DIP2C: variants seen among roughly 807,000 people sequenced by gnomAD.
The protein encoded by DIP2C is DIP2 acetate--CoA ligase C (putative).
Under a neutral mutation model 192.4 loss-of-function variants are expected in DIP2C, and 33 were observed. The ratio of observed to expected loss-of-function variants is 0.17; its 90% CI spans 0.13 to 0.23. The LOEUF (loss-of-function observed/expected upper bound fraction) is 0.23, where lower values mean the gene tolerates loss of function less well. Ranked by LOEUF, DIP2C falls within the 10% of genes least tolerant of loss-of-function variation. The probability of loss-of-function intolerance (pLI) is 1.00; values close to 1 mark genes in which losing one functional copy is unlikely to be tolerated. For missense variants in DIP2C, 1,537 were observed against 2,110.1 expected (o/e 0.73, Z 5.32); for synonymous variants, 979 against 864.1 (o/e 1.13, Z -2.33).
At chr10:299,339 C>T (rs1363182993) in intron 32 of DIP2C, among the ~76,000 whole-genome samples, 3 of 152,220 alleles carry the variant, frequency 2.0e-5, no homozygotes, top group Non-Finnish European at 2.9e-5. Context: ...CCTACAGCTC[C>T]GCCTTGAGTG....
At chr10:644,071 A>G (rs1300781399) in intron 1 of DIP2C, among the ~76,000 whole-genome samples, 1 of 152,252 alleles carries the variant, frequency 6.6e-6, no homozygotes, top group African/African-American at 2.4e-5. Flanking sequence ...TTTTAAAAAG[A>G]TGAAACAATC....
intron 1 of DIP2C, among the ~76,000 whole-genome samples, chr10:590,136 C>T (rs1296630056): frequency 2.6e-5 from 4 of 152,196 alleles, no homozygotes; most frequent in Non-Finnish European, 5.9e-5. Flanking sequence ...GTGAGAGGCA[C>T]GGAACTGTGA....
At chr10:670,029 A>G (rs2132136195) in intron 1 of DIP2C, among the ~76,000 whole-genome samples, 1 of 152,342 alleles carries the variant, frequency 6.6e-6, no homozygotes, top group Middle Eastern at 3.4e-3. Flanking sequence ...TCACTGCCTA[A>G]CAGCAATACT....
intron 1 of DIP2C, among the ~76,000 whole-genome samples, chr10:567,945 G>A (rs1472753072): frequency 6.6e-6 from 1 of 152,202 alleles, no homozygotes; most frequent in Non-Finnish European, 1.5e-5. Flanking sequence ...GTGTTTGATA[G>A]AGGCTGAGGG....
At chr10:540,617 A>G (rs1002234682) in intron 1 of DIP2C, among the ~76,000 whole-genome samples, 49 of 152,390 alleles carry the variant, frequency 3.2e-4, no homozygotes, top group African/African-American at 1.0e-3. Flanking sequence ...GGGGAGACCA[A>G]GAATATGGCG....
chr10:611,305 T>C (rs916790865), intron 1 of DIP2C, among the ~76,000 whole-genome samples: 4 of 152,172 alleles, frequency 2.6e-5, no homozygotes, highest in Non-Finnish European at 5.9e-5. Context: ...CACAGAACAG[T>C]ATGCCGATTA....
At chr10:550,317 C>T (rs1009182232) in intron 1 of DIP2C, among the ~76,000 whole-genome samples, 2 of 152,098 alleles carry the variant, frequency 1.3e-5, no homozygotes, top group South Asian at 2.1e-4. Context: ...GCCCATGTAG[C>T]TATTTAAATT....
chr10:343,877 C>G (rs11251850), intron 28 of DIP2C, among the ~76,000 whole-genome samples: 2 of 152,058 alleles, frequency 1.3e-5, no homozygotes, highest in African/African-American at 2.4e-5. Context: ...AAGACACAGC[C>G]CTGCCCTCAG....
At chr10:547,035 G>C (rs976060297) in intron 1 of DIP2C, among the ~76,000 whole-genome samples, 1 of 152,176 alleles carries the variant, frequency 6.6e-6, no homozygotes, top group African/African-American at 2.4e-5. Flanking sequence ...TGGAAGAAGC[G>C]GTTCTGCAGG....
At chr10:588,421 G>A (rs1851211044) in intron 1 of DIP2C, among the ~76,000 whole-genome samples, 1 of 152,232 alleles carries the variant, frequency 6.6e-6, no homozygotes, top group Admixed American at 6.5e-5. Context: ...CCATCTCCGG[G>A]GGTCTCAAGG....
At chr10:294,182 G>A (rs538753895) in intron 32 of DIP2C, among the ~76,000 whole-genome samples, 6 of 152,136 alleles carry the variant, frequency 3.9e-5, no homozygotes, top group South Asian at 2.1e-4. Flanking sequence ...GGACTGAGCC[G>A]ACCTTGCAGC....
chr10:338,375 G>A (rs1040230226), intron 29 of DIP2C, among the ~76,000 whole-genome samples: 1 of 151,712 alleles, frequency 6.6e-6, no homozygotes, highest in Non-Finnish European at 1.5e-5. Flanking sequence ...CAACTCACCT[G>A]GGCAACCTCC....
At position 323,459 on chromosome 10, in the gene DIP2C, A is replaced by G. The variant is rs113383180; in HGVS notation, c.3924+3547T>C. Among the ~76,000 whole-genome samples, 4 of 55,674 alleles carry G rather than the reference A, an allele frequency of 7.2e-5. 2 individuals are homozygous for G. Among genetic ancestry groups the G allele is most frequent in the Non-Finnish European group, 2.8e-4 (4 of 14,362 alleles). The allele number at this position is 55,674 out of a possible 152,430, so 36.5% of individuals were successfully genotyped here. A position where few individuals can be genotyped will look rare whatever the true frequency, so the allele number is the denominator to read the frequency against. On this transcript the variant is annotated intron_variant, in intron 31 of 36. Transcript: ENST00000280886. ...CGGGGGTGCGGGGCTCCAGCGAGAG[A>G]CCAGCGTTGTTAGAACGCAGTCAGT... is the stretch of plus-strand genomic sequence containing the variant.
chr10:390,997 G>T (rs1420695079), intron 10 of DIP2C, 134 bp from the exon 11 acceptor site: 6 of 1,307,336 alleles, frequency 4.6e-6, no homozygotes, highest in Admixed American at 2.3e-5. Flanking sequence ...CTGCTGCTTG[G>T]TATCTGTGGG....
In DIP2C at chr10:496,488, CCA is replaced by C. The variant is rs544711181; in HGVS notation, c.86-9960_86-9959del. Among the ~76,000 whole-genome samples, 28 of 150,664 alleles carry C rather than the reference CCA, an allele frequency of 1.9e-4. No homozygotes were observed. The South Asian group carries it at 2.3e-3, about 13-fold the overall frequency. The stretch of plus-strand genomic sequence containing the variant: ...AATGTGAGTGCTGAGTGCACAGAAC[CCA>C]CAGTGCCCTCCCGTGTACTTAAAAT... On this transcript the variant is annotated intron_variant, in intron 1 of 36. Coordinates refer to ENST00000280886, the MANE Select transcript of DIP2C (RefSeq NM_014974.3).
intron 3 of DIP2C, among the ~76,000 whole-genome samples, chr10:445,528 A>C (rs903541922): frequency 6.6e-6 from 1 of 151,644 alleles, no homozygotes; most frequent in Non-Finnish European, 1.5e-5. Flanking sequence ...ATCTGTATAC[A>C]TCTGTTGCGA....
rs1965005041 is a variant in DIP2C at position 409,031 on chromosome 10, TCA to T, written c.1058-16_1058-15del. 2.5e-6 allele frequency: 4 copies of T among 1,613,650 alleles called. No individual in the cohort carries two copies. In the African/African-American group the frequency reaches 5.3e-5, roughly 22 times the overall value. ...TCCACAGCTTGCCTATGAATACAAA[TCA>T]CAGACAAATGTGCGTATTAAACCAT... On this transcript the variant is annotated splice_polypyrimidine_tract_variant and intron_variant, in intron 8 of 36. Transcript: ENST00000280886.
At chr10:311,816 A>G (rs1589447747) in intron 31 of DIP2C, among the ~76,000 whole-genome samples, 1 of 152,268 alleles carries the variant, frequency 6.6e-6, no homozygotes, top group African/African-American at 2.4e-5. Flanking sequence ...AGATGTCAAC[A>G]TATCCACGGA....
At chr10:286,066 G>T (rs1007667910) in intron 34 of DIP2C, among the ~76,000 whole-genome samples, 1 of 152,226 alleles carries the variant, frequency 6.6e-6, no homozygotes, top group African/African-American at 2.4e-5. Context: ...ACTTCCCTAA[G>T]GAAGTGCCAT....
Sources: allele counts gnomAD v4.1 joint callset (sites outside exome capture counted in the v4.1 genomes callset), GRCh38; gene constraint gnomAD v4.1.1; transcripts MANE v1.5; gene names NCBI Gene and HGNC (gene_info 2026-07-23, HGNC 2026-07-21).